Variants in SRGAP2C observed in about 807,000 individuals in gnomAD.
SRGAP2C encodes the protein SLIT-ROBO Rho GTPase-activating protein 2C.
Under a neutral mutation model 25.1 loss-of-function variants are expected in SRGAP2C, and 15 were observed. The observed-to-expected ratio is 0.60, with a 90% CI of 0.40 to 0.92. The LOEUF (loss-of-function observed/expected upper bound fraction) is 0.92. Ranked by LOEUF, SRGAP2C falls within the 40% of genes least tolerant of loss-of-function variation. The pLI, the probability that SRGAP2C is intolerant of heterozygous loss-of-function variation, is 0.00. For synonymous variants in SRGAP2C, 44 were observed against 96.6 expected (o/e 0.46, Z 3.19); for missense variants, 144 against 264.4 (o/e 0.54, Z 3.16).
chr1:121,221,945 G>A (rs1430224975), intron 2 of SRGAP2C, among the ~76,000 whole-genome samples: 4 of 152,140 alleles, frequency 2.6e-5, no homozygotes, highest in Admixed American at 6.5e-5. Flanking sequence ...ATGCAAGCAT[G>A]CAAGCAAACA....
chr1:121,380,534 G>A (rs1570833317), intron 7 of SRGAP2C, among the ~76,000 whole-genome samples: 4 of 151,630 alleles, frequency 2.6e-5, no homozygotes, highest in Admixed American at 2.6e-4. Flanking sequence ...ATTGAACCTT[G>A]CTCAAATTGT....
chr1:121,211,186 T>A (rs1553323587), intron 2 of SRGAP2C, among the ~76,000 whole-genome samples: 10 of 151,984 alleles, frequency 6.6e-5, no homozygotes, highest in Non-Finnish European at 1.5e-5. Flanking sequence ...TTTTGTCCTC[T>A]CAGAGACTAT....
chr1:121,314,821 C>T (rs1158296419), intron 3 of SRGAP2C: 2 of 476,092 alleles, frequency 4.2e-6, no homozygotes, highest in South Asian at 3.5e-5. Flanking sequence ...AACCACTGCT[C>T]TCTTCAAAGC....
intron 3 of SRGAP2C, among the ~76,000 whole-genome samples, chr1:121,285,717 A>G (rs1657349531): frequency 7.0e-6 from 1 of 143,704 alleles, no homozygotes; most frequent in Non-Finnish European, 1.5e-5. Context: ...GAGATTTTCA[A>G]CCCTGGCTGC....
chr1:121,298,172 A>G (rs1197977868), intron 3 of SRGAP2C, among the ~76,000 whole-genome samples: 3 of 142,420 alleles, frequency 2.1e-5, no homozygotes, highest in African/African-American at 7.8e-5. Context: ...CCCTATAAAA[A>G]CTCAGCAATT....
At chr1:121,300,368 C>G (rs1657677791) in intron 3 of SRGAP2C, among the ~76,000 whole-genome samples, 1 of 126,128 alleles carries the variant, frequency 7.9e-6, no homozygotes, top group Admixed American at 8.2e-5. Context: ...GAGTGAGAGT[C>G]GGGGGAGGTC....
intron 7 of SRGAP2C, 46 bp downstream of exon 7, chr1:121,375,000 T>A (rs781950014): frequency 1.2e-5 from 9 of 759,254 alleles, no homozygotes; most frequent in Non-Finnish European, 2.2e-5. Context: ...TTTTCTGGTT[T>A]CAGAATACTC....
chr1:121,356,726 C>T (rs1375325462), intron 4 of SRGAP2C, among the ~76,000 whole-genome samples: 10 of 151,998 alleles, frequency 6.6e-5, no homozygotes, highest in South Asian at 2.1e-4. Context: ...GAAGACATTA[C>T]GCCCCCACCC....
chr1:121,304,210 C>CAAAAAA (rs1174072520), intron 3 of SRGAP2C, among the ~76,000 whole-genome samples: 3 of 21,376 alleles, frequency 1.4e-4, no homozygotes, highest in African/African-American at 2.0e-4. Flanking sequence ...GACTCCATAT[C>CAAAAAA]AAAAAAAAAA....
intron 8 of SRGAP2C, among the ~76,000 whole-genome samples, chr1:121,384,839 C>G (rs1553355998): frequency 6.6e-6 from 1 of 152,190 alleles, no homozygotes; most frequent in African/African-American, 2.4e-5. Context: ...TCATCATCAG[C>G]TCTGCTACTT....
rs1553341076 is a variant in SRGAP2C at position 121,320,976 on chromosome 1, G to A, written c.261-3502G>A. On this transcript the variant is annotated intron_variant, in intron 3 of 9. Transcript: ENST00000367123. The stretch of plus-strand genomic sequence containing the variant: ...CTTGCTGCTGTGTGTCAAGTTATAG[G>A]CTCACCTGTACAGCTTTATTGGAGG... Among the ~76,000 whole-genome samples, 12 of 152,246 alleles carry A rather than the reference G, an allele frequency of 7.9e-5. No homozygotes were observed. In the East Asian group the frequency reaches 9.6e-4, roughly 12 times the overall value.
At chr1:121,331,866 A>T (rs1219622658) in intron 4 of SRGAP2C, among the ~76,000 whole-genome samples, 3 of 152,068 alleles carry the variant, frequency 2.0e-5, no homozygotes, top group Admixed American at 1.3e-4. Flanking sequence ...TAGAAAAAAC[A>T]AATCTGATCT....
chr1:121,285,057 G>A (rs1657328691), intron 3 of SRGAP2C, 62 bp downstream of exon 3: 9 of 701,450 alleles, frequency 1.3e-5, no homozygotes, highest in Non-Finnish European at 1.6e-5. Flanking sequence ...GGTGGAGGGG[G>A]GCAGGGTATG....
At chr1:121,316,981 C>T (rs1658113141) in intron 3 of SRGAP2C, among the ~76,000 whole-genome samples, 1 of 151,500 alleles carries the variant, frequency 6.6e-6, no homozygotes, top group South Asian at 2.1e-4. Context: ...CCCAGGTCTA[C>T]AGAAGCTATA....
chr1:121,263,430 C>CA (rs1182973540), intron 2 of SRGAP2C, among the ~76,000 whole-genome samples: 28,483 of 87,810 alleles, frequency 0.32, 6,590 homozygotes, highest in East Asian at 0.78. Context: ...GACTCCGTCT[C>CA]AAAAAAAAAA....
chr1:121,263,430 C>CAAAAA (rs1182973540), intron 2 of SRGAP2C, among the ~76,000 whole-genome samples: 44 of 87,708 alleles, frequency 5.0e-4, no homozygotes, highest in Non-Finnish European at 8.2e-4. Context: ...GACTCCGTCT[C>CAAAAA]AAAAAAAAAA....
intron 7 of SRGAP2C, among the ~76,000 whole-genome samples, chr1:121,378,880 T>C (rs1479487927): frequency 6.6e-6 from 1 of 152,258 alleles, no homozygotes; most frequent in Non-Finnish European, 1.5e-5. Context: ...AACTTCAGAC[T>C]GTAGGAATCC....
At chr1:121,356,666 C>T (rs1274102732) in intron 4 of SRGAP2C, among the ~76,000 whole-genome samples, 1 of 151,514 alleles carries the variant, frequency 6.6e-6, no homozygotes, top group East Asian at 2.0e-4. Flanking sequence ...GGTGATCACT[C>T]ATCTTCAGAA....
At chr1:121,235,707 C>A (rs587666530) in intron 2 of SRGAP2C, among the ~76,000 whole-genome samples, 92 of 61,406 alleles carry the variant, frequency 1.5e-3, no homozygotes, top group Admixed American at 1.8e-3. Flanking sequence ...ACCCAACACC[C>A]GGATTAAACA....
Sources: gnomAD v4.1 joint callset for allele counts (sites outside exome capture counted in the v4.1 genomes callset) on GRCh38, gnomAD v4.1.1 for gene constraint, MANE v1.5 for transcripts, NCBI Gene and HGNC (gene_info 2026-07-23, HGNC 2026-07-21) for gene names.